Variants in MYLK observed in about 807,000 individuals in gnomAD.
The protein encoded by MYLK is myosin light chain kinase, smooth muscle.
MYLK carries 106 observed loss-of-function variants against 203.4 expected under a neutral mutation model. The ratio of observed to expected loss-of-function variants is 0.52; its 90% CI spans 0.45 to 0.61. The LOEUF (loss-of-function observed/expected upper bound fraction) is 0.61. Among genes scored for constraint, MYLK ranks in the 20% least tolerant of loss-of-function variants. MYLK has a pLI of 0.00. For missense variants in MYLK, 2,072 were observed against 2,442.3 expected, an observed-to-expected ratio of 0.85 and a Z score of 3.20; for synonymous variants, 867 against 959.5, an observed-to-expected ratio of 0.90 and a Z score of 1.78.
rs7646843 is a variant in MYLK, at chr3:123,775,424, T to C, written c.165+18253A>G. Among the ~76,000 whole-genome samples, 841 of 152,348 alleles carry C rather than the reference T, an allele frequency of 5.5e-3. 13 individuals carry two copies. Among genetic ancestry groups the C allele is most frequent in the African/African-American group, 0.018 (768 of 41,584 alleles). On this transcript the variant is annotated intron_variant, in intron 4 of 33. Transcript: ENST00000360304. ...TAGTACTTCAATCAGGCTGCATTAA[T>C]GCTTAGTGAGCAAGAACTGAGTCTT...
At chr3:123,666,467 T>TA in intron 21 of MYLK, 121 bp from the exon 22 acceptor site, 1 of 1,384,562 alleles carries the variant, frequency 7.2e-7, no homozygotes, top group South Asian at 1.2e-5. Context: ...ACCTTCAGGG[T>TA]AAGACTGAGG....
At chr3:123,626,793 C>T (rs1466438561) in intron 31 of MYLK, 25 bp downstream of exon 31, 1 of 1,614,076 alleles carries the variant, frequency 6.2e-7, no homozygotes, top group East Asian at 2.2e-5. Context: ...GGCAACATCC[C>T]AGTCCAAAGT....
Position 123,718,277 on chromosome 3 carries a change from C to T in MYLK, c.1804+3851G>A, listed in dbSNP as rs533192620. On this transcript the variant is annotated intron_variant, in intron 13 of 33. Coordinates refer to ENST00000360304, the MANE Select transcript of MYLK (RefSeq NM_053025.4). The stretch of plus-strand genomic sequence containing the variant: ...GCCTCCCTGCACTGCAGGGGAGGTT[C>T]GGCAACCTCTGTGCTCTCATCCATT... Among the ~76,000 whole-genome samples the T allele has an allele frequency of 8.5e-5, 13 of 152,250 alleles. No homozygotes were observed. The East Asian group carries it at 2.1e-3, about 25-fold the overall frequency.
chr3:123,661,815 C>T (rs768057327), intron 23 of MYLK, among the ~76,000 whole-genome samples: 10 of 152,142 alleles, frequency 6.6e-5, no homozygotes, highest in South Asian at 2.1e-4. Context: ...TTCCCTCTCC[C>T]GGGTCCCCTG....
chr3:123,863,001 A>G (rs1295162734), intron 2 of MYLK, among the ~76,000 whole-genome samples: 3 of 152,194 alleles, frequency 2.0e-5, no homozygotes, highest in African/African-American at 7.2e-5. Context: ...ATTATAACAC[A>G]GTGGTTTAAA....
In MYLK at chr3:123,641,155, C is replaced by T. The variant is rs75254499; in HGVS notation, c.4620-651G>A. On this transcript the variant is annotated intron_variant, in intron 27 of 33. Coordinates refer to ENST00000360304, the MANE Select transcript of MYLK (RefSeq NM_053025.4). ...ACCCCAGCTGTGTAATCCTTTCTAA[C>T]TGGATAGGCTTTGGATCCTGGCTAT... is the stretch of plus-strand genomic sequence containing the variant. Among the ~76,000 whole-genome samples, 69 of 152,338 alleles carry T rather than the reference C, an allele frequency of 4.5e-4. 1 individual carries two copies. In the East Asian group the frequency reaches 0.013, roughly 28 times the overall value.
At chr3:123,686,478 C>T (rs1280437350) in intron 19 of MYLK, among the ~76,000 whole-genome samples, 1 of 151,906 alleles carries the variant, frequency 6.6e-6, no homozygotes, top group Non-Finnish European at 1.5e-5. Context: ...CTTCTAGGGG[C>T]CCCCAGTGGG....
intron 3 of MYLK, among the ~76,000 whole-genome samples, chr3:123,797,157 C>A (rs1284330432): frequency 6.6e-6 from 1 of 152,012 alleles, no homozygotes; most frequent in Admixed American, 6.5e-5. Context: ...ACATACAGAA[C>A]AGTAGAATTG....
chr3:123,882,763 A>T (rs2033623938), intron 1 of MYLK, among the ~76,000 whole-genome samples: 1 of 152,294 alleles, frequency 6.6e-6, no homozygotes, highest in South Asian at 2.1e-4. Context: ...CTCCTGGCCC[A>T]CTGAGAGTGG....
At chr3:123,766,365 C>T (rs1415531625) in intron 4 of MYLK, among the ~76,000 whole-genome samples, 1 of 152,210 alleles carries the variant, frequency 6.6e-6, no homozygotes, top group Non-Finnish European at 1.5e-5. Flanking sequence ...CTCGCAGCCT[C>T]GAGGCCCACA....
chr3:123,736,730 TA>T (rs1329284970), intron 8 of MYLK, among the ~76,000 whole-genome samples: 21 of 152,198 alleles, frequency 1.4e-4, no homozygotes, highest in Admixed American at 3.9e-4. Flanking sequence ...CTGGGCAGGT[TA>T]AATTTGGGGT....
At chr3:123,751,473 T>C (rs571904134) in intron 5 of MYLK, among the ~76,000 whole-genome samples, 10 of 152,368 alleles carry the variant, frequency 6.6e-5, no homozygotes, top group African/African-American at 1.9e-4. Context: ...TGTTAACACA[T>C]TGATGTGTTT....
intron 21 of MYLK, chr3:123,666,807 C>A: frequency 1.8e-6 from 1 of 554,722 alleles, no homozygotes; most frequent in Non-Finnish European, 3.2e-6. Context: ...CCAAGAGGGT[C>A]ATGTACACAA....
In MYLK at chr3:123,629,605, G is replaced by A. The variant is rs367656778; in HGVS notation, c.4983C>T (p.Phe1661=). The change falls in exon 30 of 34, where the codon TTC becomes TTT. Residue 1661 remains phenylalanine, a synonymous_variant. Coordinates refer to ENST00000360304, the MANE Select transcript of MYLK (RefSeq NM_053025.4). The surrounding 1 kb of genome is among the most constrained non-coding windows in gnomAD (Gnocchi z 4.4). ...CYILVSGLSP[F]MGDNDNETLA... Reference sequence around the variant, plus strand: ...AGGTTTCGTTATCGTTGTCTCCCATGAAGGGGGAAAGGCCACTGACTCTGG... The same window carrying A: ...AGGTTTCGTTATCGTTGTCTCCCATAAAGGGGGAAAGGCCACTGACTCTGG... The A allele has an allele frequency of 2.8e-5, 45 of 1,614,016 alleles. No individual in the cohort carries two copies. In the African/African-American group the frequency reaches 3.3e-4, roughly 12 times the overall value.
intron 20 of MYLK, among the ~76,000 whole-genome samples, chr3:123,672,659 G>A (rs1463806950): frequency 6.6e-6 from 1 of 152,224 alleles, no homozygotes; most frequent in African/African-American, 2.4e-5. Context: ...ATCTTTCAGT[G>A]TCATGGTTAA....
intron 4 of MYLK, among the ~76,000 whole-genome samples, chr3:123,763,480 T>C (rs1476758199): frequency 2.0e-5 from 3 of 152,270 alleles, no homozygotes; most frequent in African/African-American, 7.2e-5. Flanking sequence ...TTAAAATTTT[T>C]AGATCTGGCA....
chr3:123,883,281 G>T (rs534966615), intron 1 of MYLK, among the ~76,000 whole-genome samples: 1 of 151,920 alleles, frequency 6.6e-6, no homozygotes, highest in African/African-American at 2.4e-5. Flanking sequence ...AACGGCCTGA[G>T]GTCTGGCATC....
At chr3:123,625,629 A>G (rs1348110787) in intron 31 of MYLK, among the ~76,000 whole-genome samples, 1 of 152,002 alleles carries the variant, frequency 6.6e-6, no homozygotes, top group East Asian at 1.9e-4. Context: ...TAACACGGTG[A>G]AACCCTGTCT....
intron 14 of MYLK, chr3:123,709,307 A>AT: frequency 1.3e-5 from 3 of 235,786 alleles, no homozygotes; most frequent in Non-Finnish European, 2.5e-5. Context: ...CACCCAGCTA[A>AT]TTTTTTGTAT....
Sources: gnomAD v4.1 joint callset for allele counts (sites outside exome capture counted in the v4.1 genomes callset) on GRCh38, gnomAD v4.1.1 for gene constraint, Gnocchi (gnomAD v3.1) non-coding constraint, MANE v1.5 for transcripts, NCBI Gene and HGNC (gene_info 2026-07-23, HGNC 2026-07-21) for gene names.